Variants in SH3GL2 observed in about 807,000 individuals in gnomAD.
The protein encoded by SH3GL2 is endophilin-A1.
Under a neutral mutation model 46.0 loss-of-function variants are expected in SH3GL2, and 24 were observed. The observed-to-expected ratio is 0.52, with a 90% CI of 0.38 to 0.73. SH3GL2 has a LOEUF of 0.73. Ranked by LOEUF, SH3GL2 falls within the 30% of genes least tolerant of loss-of-function variation. SH3GL2 has a pLI of 0.00. For missense variants in SH3GL2, 413 were observed against 424.2 expected (o/e 0.97, Z 0.23); for synonymous variants, 196 against 147.1 (o/e 1.33, Z -2.40).
At chr9:17,759,821 A>G (rs1418335836) in intron 2 of SH3GL2, among the ~76,000 whole-genome samples, 1 of 152,138 alleles carries the variant, frequency 6.6e-6, no homozygotes. Flanking sequence ...TTTCCTTCTC[A>G]TCATAACTAC....
At chr9:17,788,109 T>A (rs1024001587) in intron 5 of SH3GL2, among the ~76,000 whole-genome samples, 7 of 152,192 alleles carry the variant, frequency 4.6e-5, no homozygotes, top group African/African-American at 1.7e-4. Context: ...CACTTTTTTT[T>A]ATCTAACAAA....
At chr9:17,766,700 G>A (rs1483613651) in intron 3 of SH3GL2, among the ~76,000 whole-genome samples, 4 of 150,980 alleles carry the variant, frequency 2.6e-5, no homozygotes, top group East Asian at 1.9e-4. Context: ...TCTGGATTTC[G>A]GTCTGTATTT....
chr9:17,717,163 T>A (rs1821783047), intron 1 of SH3GL2, among the ~76,000 whole-genome samples: 1 of 152,122 alleles, frequency 6.6e-6, no homozygotes, highest in African/African-American at 2.4e-5. Context: ...GGGACAGACT[T>A]GTGGAGTCTC....
At chr9:17,606,102 T>TTTGC (rs1191958257) in intron 1 of SH3GL2, among the ~76,000 whole-genome samples, 74 of 152,024 alleles carry the variant, frequency 4.9e-4, no homozygotes, top group African/African-American at 1.6e-3. Flanking sequence ...TGTTTGTTTG[T>TTTGC]TTGTTTTTGA....
At chr9:17,672,666 G>A (rs1027746517) in intron 1 of SH3GL2, among the ~76,000 whole-genome samples, 7 of 152,052 alleles carry the variant, frequency 4.6e-5, no homozygotes, top group African/African-American at 1.7e-4. Flanking sequence ...GAGGACCTAA[G>A]GAGTGATTGA....
intron 1 of SH3GL2, among the ~76,000 whole-genome samples, chr9:17,707,287 C>G (rs1242507731): frequency 6.6e-6 from 1 of 152,062 alleles, no homozygotes; most frequent in African/African-American, 2.4e-5. Context: ...ATATCTTCCA[C>G]TGGCTCTCAT....
intron 1 of SH3GL2, among the ~76,000 whole-genome samples, chr9:17,601,793 A>G (rs1818677772): frequency 6.6e-6 from 1 of 152,214 alleles, no homozygotes; most frequent in Non-Finnish European, 1.5e-5. Context: ...TTGTGTCCCA[A>G]AAACTTGGGG....
At chr9:17,715,994 C>T (rs1479595001) in intron 1 of SH3GL2, among the ~76,000 whole-genome samples, 1 of 152,004 alleles carries the variant, frequency 6.6e-6, no homozygotes, top group African/African-American at 2.4e-5. Context: ...GAATGTGTAT[C>T]ACCTTTGCAC....
chr9:17,585,629 G>A (rs1207041848), intron 1 of SH3GL2, among the ~76,000 whole-genome samples: 3 of 152,194 alleles, frequency 2.0e-5, no homozygotes, highest in Non-Finnish European at 4.4e-5. Context: ...ACAGGTGGGA[G>A]CAGAGAGAGC....
intron 3 of SH3GL2, among the ~76,000 whole-genome samples, chr9:17,784,452 C>G (rs1823899257): frequency 6.6e-6 from 1 of 152,026 alleles, no homozygotes; most frequent in African/African-American, 2.4e-5. Context: ...TCTGTTTCTC[C>G]TTTCCTTCTA....
At chr9:17,663,026 C>G (rs1165655869) in intron 1 of SH3GL2, among the ~76,000 whole-genome samples, 1 of 152,094 alleles carries the variant, frequency 6.6e-6, no homozygotes, top group Non-Finnish European at 1.5e-5. Flanking sequence ...TTAAATAAAC[C>G]TCTTGGGGAA....
intron 1 of SH3GL2, among the ~76,000 whole-genome samples, chr9:17,659,030 A>T (rs1380145678): frequency 2.0e-5 from 3 of 152,210 alleles, no homozygotes; most frequent in Admixed American, 6.5e-5. Context: ...AGTAACTTTT[A>T]ATGGGAGAAG....
intron 1 of SH3GL2, among the ~76,000 whole-genome samples, chr9:17,697,110 T>A (rs2118172981): frequency 6.6e-6 from 1 of 152,288 alleles, no homozygotes; most frequent in East Asian, 1.9e-4. Context: ...ACATGGGCTG[T>A]GAAAACCGGG....
chr9:17,623,002 T>G (rs147061957), intron 1 of SH3GL2, among the ~76,000 whole-genome samples: 6,533 of 39,756 alleles, frequency 0.16, 219 homozygotes, highest in East Asian at 0.32. Context: ...TTTCCTTTCC[T>G]TTCCTTTCCT....
intron 2 of SH3GL2, chr9:17,755,875 C>A: frequency 5.9e-6 from 3 of 507,734 alleles, no homozygotes; most frequent in Non-Finnish European, 7.6e-6. Flanking sequence ...CCATTCTAGT[C>A]ATTTCCATGC....
At chr9:17,708,367 CTT>C (rs1174233581) in intron 1 of SH3GL2, among the ~76,000 whole-genome samples, 3 of 151,896 alleles carry the variant, frequency 2.0e-5, no homozygotes, top group African/African-American at 7.2e-5. Flanking sequence ...GATTTTGACT[CTT>C]AGCATTCTTT....
At chr9:17,766,420 A>G (rs1823320325) in intron 3 of SH3GL2, among the ~76,000 whole-genome samples, 1 of 152,242 alleles carries the variant, frequency 6.6e-6, no homozygotes, top group South Asian at 2.1e-4. Flanking sequence ...TATTCTTACG[A>G]TATTTGTGAG....
intron 3 of SH3GL2, among the ~76,000 whole-genome samples, chr9:17,780,048 C>T (rs1823758901): frequency 6.6e-6 from 1 of 152,112 alleles, no homozygotes; most frequent in African/African-American, 2.4e-5. Context: ...ACATGCCAAA[C>T]CAATTACATC....
rs113950997 is a variant in SH3GL2 at position 17,623,389 on chromosome 9, A to G, written c.45+44102A>G. 8.7e-3 allele frequency among the ~76,000 whole-genome samples: 1,324 copies of G among 152,212 alleles called. 11 individuals carry two copies. Among genetic ancestry groups the G allele is most frequent in the Non-Finnish European group, 0.014 (923 of 68,020 alleles). The stretch of plus-strand genomic sequence containing the variant: ...TGTATACGTATGTAGTTCAAATGGA[A>G]TTAGATTCTATATAGGGTAGTGTGT... On this transcript the variant is annotated intron_variant, in intron 1 of 8. Coordinates refer to ENST00000380607, the MANE Select transcript of SH3GL2 (RefSeq NM_003026.5).
Sources: gnomAD v4.1 joint callset for allele counts (sites outside exome capture counted in the v4.1 genomes callset) on GRCh38, gnomAD v4.1.1 for gene constraint, MANE v1.5 for transcripts, NCBI Gene and HGNC (gene_info 2026-07-23, HGNC 2026-07-21) for gene names.